SRBD1: variants seen among roughly 807,000 people sequenced by gnomAD.
SRBD1 encodes the protein S1 RNA-binding domain-containing protein 1.
Under a neutral mutation model 115.3 loss-of-function variants are expected in SRBD1, and 88 were observed. That is an observed-to-expected ratio of 0.76 (90% CI 0.64 to 0.91). The LOEUF (loss-of-function observed/expected upper bound fraction) is 0.91, where lower values mean the gene tolerates loss of function less well. SRBD1 is among the 40% of genes least tolerant of loss of function. SRBD1 has a pLI of 0.00. For missense variants in SRBD1, 1,385 were observed against 1,177.4 expected (o/e 1.18, Z -2.58); for synonymous variants, 509 against 407.7 (o/e 1.25, Z -2.99).
Position 45,488,166 on chromosome 2 carries a change from A to T in SRBD1, c.1966+74T>A. ...CTTTTAAATTTTCTTTGATATTTAG[A>T]ATATTTAGCATGCCACACATGCTGC... is the stretch of plus-strand genomic sequence containing the variant. On this transcript the variant is annotated intron_variant, in intron 15 of 20. Coordinates refer to ENST00000263736, the MANE Select transcript of SRBD1 (RefSeq NM_018079.5). 3 of 1,275,486 alleles carry T rather than the reference A, an allele frequency of 2.4e-6. No homozygotes were observed. The Admixed American group carries it at 5.5e-5, about 23-fold the overall frequency. 79.0% of individuals were successfully genotyped at this position (1,275,486 alleles called of 1,614,324 possible).
intron 14 of SRBD1, among the ~76,000 whole-genome samples, chr2:45,527,333 G>A (rs1020026996): frequency 7.3e-5 from 11 of 151,672 alleles, no homozygotes; most frequent in Admixed American, 5.3e-4. Flanking sequence ...TACATAAATC[G>A]GTACAGTACA....
intron 16 of SRBD1, among the ~76,000 whole-genome samples, chr2:45,456,731 T>C (rs1669166348): frequency 2.0e-5 from 3 of 151,882 alleles, no homozygotes; most frequent in Non-Finnish European, 1.5e-5. Flanking sequence ...AAGAAAAATA[T>C]TAAACTATCT....
At chr2:45,441,421 A>G (rs1463121741) in intron 16 of SRBD1, among the ~76,000 whole-genome samples, 2 of 152,244 alleles carry the variant, frequency 1.3e-5, no homozygotes, top group Non-Finnish European at 2.9e-5. Flanking sequence ...TATGTGTGTA[A>G]GTAAATAAAT....
rs544639444 is a variant in SRBD1 at position 45,414,940 on chromosome 2, T to C, written c.2334-1647A>G. On this transcript the variant is annotated intron_variant, in intron 18 of 20. Coordinates refer to ENST00000263736, the MANE Select transcript of SRBD1 (RefSeq NM_018079.5). Reference sequence around the variant, plus strand: ...TATAGTATGTACACACACAGTGTTATATAGTATGTACATACACACACATAT... The same window carrying C: ...TATAGTATGTACACACACAGTGTTACATAGTATGTACATACACACACATAT... Among the ~76,000 whole-genome samples the C allele has an allele frequency of 1.6e-5, 2 of 121,320 alleles. 1 individual carries two copies. The highest frequency in any genetic ancestry group is 5.3e-4 in the South Asian group (2 of 3,750). The allele number at this position is 121,320 out of a possible 152,430, so 79.6% of individuals were successfully genotyped here.
chr2:45,454,248 T>C (rs910516253), intron 16 of SRBD1, among the ~76,000 whole-genome samples: 1 of 151,854 alleles, frequency 6.6e-6, no homozygotes, highest in Admixed American at 6.6e-5. Context: ...TGTAAGATCG[T>C]GGTACTGTGA....
chr2:45,556,071 A>C (rs1672466087), intron 10 of SRBD1, among the ~76,000 whole-genome samples: 1 of 152,244 alleles, frequency 6.6e-6, no homozygotes. Flanking sequence ...TTTATTCCAA[A>C]GATTACATAA....
intron 1 of SRBD1, among the ~76,000 whole-genome samples, chr2:45,610,847 G>A (rs1310323768): frequency 6.6e-6 from 1 of 151,824 alleles, no homozygotes. Flanking sequence ...CGAATGGCGT[G>A]AATCCGGGAG....
intron 16 of SRBD1, among the ~76,000 whole-genome samples, chr2:45,448,988 A>C (rs1261665433): frequency 6.6e-6 from 1 of 152,186 alleles, no homozygotes; most frequent in Non-Finnish European, 1.5e-5. Context: ...TCTGTAATAC[A>C]AATGTGAACC....
At chr2:45,474,313 G>A (rs773055314) in intron 16 of SRBD1, among the ~76,000 whole-genome samples, 76 of 152,254 alleles carry the variant, frequency 5.0e-4, no homozygotes, top group East Asian at 3.9e-4. Flanking sequence ...TAGTGAGATC[G>A]TTTCAGAGTC....
At chr2:45,491,723 C>A (rs1038858056) in intron 14 of SRBD1, among the ~76,000 whole-genome samples, 1 of 152,202 alleles carries the variant, frequency 6.6e-6, no homozygotes, top group Non-Finnish European at 1.5e-5. Flanking sequence ...AAACCACACA[C>A]TTATAAAGTA....
At chr2:45,567,271 A>AC (rs1260399527) in intron 9 of SRBD1, among the ~76,000 whole-genome samples, 3 of 152,218 alleles carry the variant, frequency 2.0e-5, no homozygotes, top group African/African-American at 7.2e-5. Context: ...TATACTTGAG[A>AC]AATTTCTAAA....
chr2:45,573,284 CCT>C lies in SRBD1; in HGVS notation c.1226_1227del (p.Lys409SerfsTer3), dbSNP rs1458090251. ...AACTTATCAACATCTTTCTCATTTACCTTTTTTGAGGATACTTTTGCCAGAGA... is the reference window on the plus strand; with the variant it reads ...AACTTATCAACATCTTTCTCATTTACTTTTTGAGGATACTTTTGCCAGAGA... ...QSSLAKVSSK[K>X]VNEKDVDKFL... On this transcript the variant is annotated frameshift_variant, in exon 9 of 21. Coordinates refer to ENST00000263736, the MANE Select transcript of SRBD1 (RefSeq NM_018079.5). LOFTEE classifies it high-confidence loss of function. The C allele has an allele frequency of 1.2e-6, 2 of 1,612,424 alleles. No homozygotes were observed. The highest frequency in any genetic ancestry group is 1.7e-6 in the Non-Finnish European group (2 of 1,179,334).
chr2:45,418,195 G>T (rs1382478512), intron 18 of SRBD1, among the ~76,000 whole-genome samples, 170 bp downstream of exon 18: 2 of 152,148 alleles, frequency 1.3e-5, no homozygotes, highest in Non-Finnish European at 2.9e-5. Context: ...TTGCTGACTT[G>T]CTCACTGTTG....
At chr2:45,461,714 C>A (rs1464506541) in intron 16 of SRBD1, among the ~76,000 whole-genome samples, 2 of 152,014 alleles carry the variant, frequency 1.3e-5, no homozygotes, top group African/African-American at 4.8e-5. Context: ...ATTTTCTTTT[C>A]CACTATGGAT....
Position 45,432,003 on chromosome 2 carries a change from G to GTATGTATTTATT in SRBD1, c.2050-12110_2050-12109insAATAAATACATA, listed in dbSNP as rs370681221. Among the ~76,000 whole-genome samples, 8 of 142,932 alleles carry GTATGTATTTATT rather than the reference G, an allele frequency of 5.6e-5. No individual in the cohort carries two copies. The South Asian group carries it at 7.0e-4, about 12-fold the overall frequency. 93.8% of individuals were successfully genotyped at this position (142,932 alleles called of 152,430 possible). On this transcript the variant is annotated intron_variant, in intron 16 of 20. Transcript: ENST00000263736. ...TTAGGAAAGTACTAAAGAGTTAAAAGTATTTATTTATTTATTTATTTATTT... is the reference window on the plus strand; with the variant it reads ...TTAGGAAAGTACTAAAGAGTTAAAAGTATGTATTTATTTATTTATTTATTTATTTATTTATTT...
At chr2:45,500,358 G>C (rs1034453306) in intron 14 of SRBD1, among the ~76,000 whole-genome samples, 1 of 151,068 alleles carries the variant, frequency 6.6e-6, no homozygotes, top group Non-Finnish European at 1.5e-5. Context: ...TGTGTGTGTA[G>C]CTATTATAAA....
chr2:45,440,794 G>A (rs1434379002), intron 16 of SRBD1, among the ~76,000 whole-genome samples: 1 of 152,164 alleles, frequency 6.6e-6, no homozygotes, highest in Non-Finnish European at 1.5e-5. Context: ...CTGTGTGAGA[G>A]AGACAGAAAG....
chr2:45,421,887 T>C (rs1275068706), intron 16 of SRBD1, among the ~76,000 whole-genome samples: 4 of 152,140 alleles, frequency 2.6e-5, no homozygotes, highest in African/African-American at 9.7e-5. Context: ...ATTTTAAAAA[T>C]CTAATAAGCA....
At chr2:45,547,784 G>A (rs1392738822) in intron 12 of SRBD1, among the ~76,000 whole-genome samples, 172 bp from the exon 13 acceptor site, 3 of 152,234 alleles carry the variant, frequency 2.0e-5, no homozygotes, top group Middle Eastern at 3.4e-3. Flanking sequence ...CTGAAGTATT[G>A]CTCTTTCCAA....
Sources: gnomAD v4.1 joint callset for allele counts (sites outside exome capture counted in the v4.1 genomes callset) on GRCh38, gnomAD v4.1.1 for gene constraint, MANE v1.5 for transcripts, NCBI Gene and HGNC (gene_info 2026-07-23, HGNC 2026-07-21) for gene names.